The following ARID4B variants were observed in gnomAD, a reference collection of about 807,000 sequenced individuals.
ARID4B encodes the protein AT-rich interactive domain-containing protein 4B.
ARID4B carries 26 observed loss-of-function variants against 147.5 expected under a neutral mutation model. The ratio of observed to expected loss-of-function variants is 0.18; its 90% CI spans 0.13 to 0.24. The LOEUF is 0.24. ARID4B is among the 10% of genes least tolerant of loss of function. The pLI is 1.00. For missense variants in ARID4B, 1,179 were observed against 1,511.5 expected (o/e 0.78, Z 3.65); for synonymous variants, 512 against 507.9 (o/e 1.01, Z -0.11).
At chr1:235,195,866 T>A (rs1352909855) in intron 18 of ARID4B, among the ~76,000 whole-genome samples, 165 bp downstream of exon 18, 1 of 152,190 alleles carries the variant, frequency 6.6e-6, no homozygotes, top group Non-Finnish European at 1.5e-5. Context: ...CAGTACTGTT[T>A]CTAAAATGCT....
intron 2 of ARID4B, among the ~76,000 whole-genome samples, chr1:235,306,730 A>G (rs1378469762): frequency 6.6e-6 from 1 of 151,912 alleles, no homozygotes; most frequent in Non-Finnish European, 1.5e-5. Flanking sequence ...ACCTCAGCTC[A>G]CTACAACTTT....
intron 17 of ARID4B, among the ~76,000 whole-genome samples, chr1:235,212,255 C>T (rs1201133717): frequency 6.6e-6 from 1 of 151,656 alleles, no homozygotes; most frequent in East Asian, 1.9e-4. Flanking sequence ...CAAAAAAAGA[C>T]AAAAACAAAA....
rs572383953 is a variant in ARID4B, at chr1:235,288,308, C to CAA, written c.7-27558_7-27557dup. Among the ~76,000 whole-genome samples, 3 of 142,028 alleles carry CAA rather than the reference C, an allele frequency of 2.1e-5. No individual in the cohort carries two copies. In the East Asian group the frequency reaches 6.1e-4, roughly 29 times the overall value. The allele number at this position is 142,028 out of a possible 152,430, so 93.2% of individuals were successfully genotyped here. ...TGAAAAACAGAGTGAGACTCCATTT[C>CAA]AAAAAAAAAAAAGTAAGTCCTAAAT... On this transcript the variant is annotated intron_variant, in intron 2 of 23. Coordinates refer to ENST00000264183, the MANE Select transcript of ARID4B (RefSeq NM_016374.6).
At chr1:235,250,320 T>C (rs1389084231) in intron 6 of ARID4B, among the ~76,000 whole-genome samples, 2 of 152,192 alleles carry the variant, frequency 1.3e-5, no homozygotes, top group East Asian at 3.9e-4. Flanking sequence ...CTACTACTAA[T>C]ACTCTGAATG....
At chr1:235,182,938 CTGGGTT>C (rs1664419112) in intron 19 of ARID4B, 145 bp from the exon 20 acceptor site, 1 of 673,004 alleles carries the variant, frequency 1.5e-6, no homozygotes, top group South Asian at 3.0e-5. Flanking sequence ...TGCAAAGAAA[CTGGGTT>C]TCAAAGAGGC....
At chr1:235,316,283 G>C (rs1039947510) in intron 2 of ARID4B, among the ~76,000 whole-genome samples, 1 of 152,018 alleles carries the variant, frequency 6.6e-6, no homozygotes, top group African/African-American at 2.4e-5. Context: ...TGAGGCGGGC[G>C]GATCACTTGA....
At chr1:235,268,677 C>G (rs1262755426) in intron 2 of ARID4B, among the ~76,000 whole-genome samples, 1 of 152,064 alleles carries the variant, frequency 6.6e-6, no homozygotes, top group African/African-American at 2.4e-5. Flanking sequence ...TACAGGCGCT[C>G]GCCACCATGT....
At chr1:235,189,107 TATTC>T (rs1483461105) in intron 19 of ARID4B, among the ~76,000 whole-genome samples, 3 of 151,898 alleles carry the variant, frequency 2.0e-5, no homozygotes, top group African/African-American at 7.3e-5. Flanking sequence ...AATTTAAAAA[TATTC>T]ATTGAAAGGC....
At chr1:235,201,219 G>T (rs1224014460) in intron 17 of ARID4B, among the ~76,000 whole-genome samples, 2 of 152,104 alleles carry the variant, frequency 1.3e-5, no homozygotes, top group Non-Finnish European at 2.9e-5. Flanking sequence ...TGAAACTGCA[G>T]CTAAGAAATA....
intron 16 of ARID4B, among the ~76,000 whole-genome samples, chr1:235,216,080 A>G (rs909424992): frequency 6.6e-6 from 1 of 152,092 alleles, no homozygotes; most frequent in Admixed American, 6.5e-5. Flanking sequence ...GTCCTTTTGT[A>G]TAGTGGGGCA....
In ARID4B at chr1:235,257,153, G is replaced by C. The variant is rs1670037436; in HGVS notation, c.183+7C>G. ...CCATTAGAATTAACAATGAATACAT[G>C]AATTACCTTTAGTGGGCCCTTTATG... On this transcript the variant is annotated splice_region_variant and intron_variant, in intron 4 of 23. Coordinates refer to ENST00000264183, the MANE Select transcript of ARID4B (RefSeq NM_016374.6). 6.3e-7 allele frequency: 1 copy of C among 1,593,404 alleles called. No homozygotes were observed. Among genetic ancestry groups the C allele is most frequent in the Admixed American group, 1.7e-5 (1 of 59,918 alleles).
chr1:235,293,316 TA>T (rs1029421273), intron 2 of ARID4B, among the ~76,000 whole-genome samples: 52 of 152,166 alleles, frequency 3.4e-4, no homozygotes, highest in Non-Finnish European at 3.1e-4. Context: ...CTTCTACAAG[TA>T]AAAAAATTTT....
At chr1:235,192,795 A>C (rs1433722670) in intron 19 of ARID4B, among the ~76,000 whole-genome samples, 1 of 152,204 alleles carries the variant, frequency 6.6e-6, no homozygotes. Flanking sequence ...ATACTAAGCA[A>C]TAATCCCATC....
At chr1:235,217,648 A>G (rs193115399) in intron 16 of ARID4B, among the ~76,000 whole-genome samples, 10 of 152,350 alleles carry the variant, frequency 6.6e-5, no homozygotes, top group African/African-American at 1.9e-4. Flanking sequence ...TGGCCAAGGC[A>G]CTGAACTAGA....
chr1:235,186,535 C>T (rs1664698141), intron 19 of ARID4B, among the ~76,000 whole-genome samples: 2 of 151,870 alleles, frequency 1.3e-5, no homozygotes, highest in Admixed American at 6.6e-5. Context: ...CTCGGCCTCC[C>T]CAATAGCTGG....
At chr1:235,255,542 G>A (rs1363716874) in intron 5 of ARID4B, 118 bp downstream of exon 5, 1 of 595,716 alleles carries the variant, frequency 1.7e-6, no homozygotes, top group African/African-American at 1.9e-5. Flanking sequence ...ATAAAATCCA[G>A]TAACAGTAAT....
chr1:235,208,427 A>AT (rs911523961), intron 17 of ARID4B, among the ~76,000 whole-genome samples: 16 of 152,020 alleles, frequency 1.1e-4, no homozygotes, highest in African/African-American at 3.9e-4. Flanking sequence ...GCAGAACTAA[A>AT]TTTTTTTTAA....
intron 2 of ARID4B, among the ~76,000 whole-genome samples, chr1:235,283,766 G>A (rs1157403678): frequency 2.6e-5 from 4 of 152,188 alleles, no homozygotes; most frequent in African/African-American, 9.6e-5. Context: ...CGCTCTCCAA[G>A]ACAGTCTTGC....
chr1:235,232,846 T>C (rs1668328912), intron 9 of ARID4B, among the ~76,000 whole-genome samples: 1 of 152,036 alleles, frequency 6.6e-6, no homozygotes, highest in African/African-American at 2.4e-5. Flanking sequence ...TTTTGTTTTG[T>C]TTTGTTTTGA....
Sources: allele counts gnomAD v4.1 joint callset (sites outside exome capture counted in the v4.1 genomes callset), GRCh38; gene constraint gnomAD v4.1.1; transcripts MANE v1.5; gene names NCBI Gene and HGNC (gene_info 2026-07-23, HGNC 2026-07-21).